Variants in ADHFE1 observed in about 807,000 individuals in gnomAD.
ADHFE1 encodes the protein alcohol dehydrogenase iron containing 1.
ADHFE1 carries 37 observed loss-of-function variants against 54.8 expected under a neutral mutation model. That is an observed-to-expected ratio of 0.68 (90% CI 0.52 to 0.89). The LOEUF (loss-of-function observed/expected upper bound fraction) is 0.89. Among genes scored for constraint, ADHFE1 ranks in the 40% least tolerant of loss-of-function variants. The pLI, the probability that ADHFE1 is intolerant of heterozygous loss-of-function variation, is 0.00. For missense variants in ADHFE1, 601 were observed against 591.2 expected (o/e 1.02, Z -0.17); for synonymous variants, 203 against 229.3 (o/e 0.89, Z 1.04).
At chr8:66,446,057 TAA>T (rs1476075852) in intron 6 of ADHFE1, among the ~76,000 whole-genome samples, 5 of 152,266 alleles carry the variant, frequency 3.3e-5, no homozygotes, top group African/African-American at 1.2e-4. Context: ...TAACATGCAC[TAA>T]CTGGTAACTG....
Position 66,458,701 on chromosome 8 carries a change from G to A in ADHFE1, c.1162+1535G>A, listed in dbSNP as rs931113481. On this transcript the variant is annotated intron_variant, in intron 12 of 13. Coordinates refer to ENST00000396623, the MANE Select transcript of ADHFE1 (RefSeq NM_144650.3). Reference sequence around the variant, plus strand: ...CTGATTCTTCCTTCTTGAATGGGAAGTTTTAATGTTATCTACACTTAGCTA... The same window carrying A: ...CTGATTCTTCCTTCTTGAATGGGAAATTTTAATGTTATCTACACTTAGCTA... Among the ~76,000 whole-genome samples the A allele has an allele frequency of 1.2e-4, 19 of 152,190 alleles. No individual in the cohort carries two copies. The East Asian group carries it at 1.4e-3, about 11-fold the overall frequency.
rs538229235 is a variant in ADHFE1 at position 66,438,087 on chromosome 8, G to A, written c.60-2075G>A. Among the ~76,000 whole-genome samples, 3 of 152,354 alleles carry A rather than the reference G, an allele frequency of 2.0e-5. No individual in the cohort carries two copies. The East Asian group carries it at 5.8e-4, about 29-fold the overall frequency. ...AGGCAGGGGCAGGCCTGAACTGTAT[G>A]TGAGAGCCATGGGGAGCCATTGAAG... On this transcript the variant is annotated intron_variant, in intron 1 of 13. Coordinates refer to ENST00000396623, the MANE Select transcript of ADHFE1 (RefSeq NM_144650.3).
At position 66,457,072 on chromosome 8, in the gene ADHFE1, C is replaced by CCATGG; in HGVS notation, c.1070_1074dup (p.Leu359MetfsTer64). The CCATGG allele has an allele frequency of 6.2e-7, 1 of 1,613,208 alleles. No individual in the cohort carries two copies. Among genetic ancestry groups the CCATGG allele is most frequent in the Admixed American group, 1.7e-5 (1 of 59,954 alleles). ...CACCGCATTTCGTTTCTCCCCAGCC[C>CCATGG]CATGGCCTTTCTGTGGTGCTCACGT... On this transcript the variant is annotated frameshift_variant, in exon 12 of 14. Coordinates refer to ENST00000396623, the MANE Select transcript of ADHFE1 (RefSeq NM_144650.3). LOFTEE classifies it high-confidence loss of function.
rs980369416 is a variant in ADHFE1, at chr8:66,452,139, G to A, written c.887+34G>A. On this transcript the variant is annotated intron_variant, in intron 9 of 13. Coordinates refer to ENST00000396623, the MANE Select transcript of ADHFE1 (RefSeq NM_144650.3). ...CCCCGAAGGGGATAGAAATAGAACAGGAGGCCCACATTCTGCCAGCACGTG... is the reference window on the plus strand; with the variant it reads ...CCCCGAAGGGGATAGAAATAGAACAAGAGGCCCACATTCTGCCAGCACGTG... The A allele has an allele frequency of 3.1e-6, 5 of 1,608,304 alleles. No individual in the cohort carries two copies. The African/African-American group carries it at 6.7e-5, about 21-fold the overall frequency.
chr8:66,451,550 C>G (rs1175930664), intron 8 of ADHFE1, among the ~76,000 whole-genome samples: 1 of 152,118 alleles, frequency 6.6e-6, no homozygotes, highest in East Asian at 1.9e-4. Context: ...AGCTATGACC[C>G]ACTTTTGGTA....
intron 10 of ADHFE1, among the ~76,000 whole-genome samples, chr8:66,455,319 A>AT (rs1260629457): frequency 3.3e-5 from 5 of 152,212 alleles, no homozygotes; most frequent in South Asian, 4.2e-4. Flanking sequence ...TAAATGTAGG[A>AT]TTTTTCCCCC....
chr8:66,435,850 CT>C (rs920206914), intron 1 of ADHFE1, among the ~76,000 whole-genome samples: 5 of 151,068 alleles, frequency 3.3e-5, no homozygotes, highest in African/African-American at 1.2e-4. Context: ...CCCAAGCAGT[CT>C]TCCCATCTTG....
chr8:66,453,777 C>A, intron 9 of ADHFE1: 2 of 1,410,590 alleles, frequency 1.4e-6, no homozygotes, highest in South Asian at 2.3e-5. Context: ...GAGTGGCCCT[C>A]GCCATCCAGG....
intron 13 of ADHFE1, 43 bp downstream of exon 13, chr8:66,460,508 G>T (rs3824263): frequency 0.055 from 83,170 of 1,523,332 alleles, 3,071 homozygotes; most frequent in East Asian, 0.21. Flanking sequence ...AAGGAGCCTA[G>T]CGCCTCCAGA....
intron 12 of ADHFE1, chr8:66,459,431 T>TATATATATATATATATATA (rs60104059): frequency 2.1e-4 from 20 of 95,540 alleles, no homozygotes; most frequent in African/African-American, 8.3e-4. Context: ...TATATATATA[T>TATATATATATATATATATA]TTTTTTTTTT....
At chr8:66,467,927 T>C (rs1057313168) in intron 13 of ADHFE1, among the ~76,000 whole-genome samples, 9 of 152,340 alleles carry the variant, frequency 5.9e-5, no homozygotes, top group Middle Eastern at 3.4e-3. Flanking sequence ...CAGTTCTCTC[T>C]CAGAGCTCTG....
At position 66,460,184 on chromosome 8, in the gene ADHFE1, C is replaced by A; in HGVS notation, c.1163-124C>A. The A allele has an allele frequency of 4.0e-6, 5 of 1,256,182 alleles. No homozygotes were observed. The South Asian group carries it at 4.1e-5, about 10-fold the overall frequency. 77.8% of individuals were successfully genotyped at this position (1,256,182 alleles called of 1,614,324 possible). On this transcript the variant is annotated intron_variant, in intron 12 of 13. Coordinates refer to ENST00000396623, the MANE Select transcript of ADHFE1 (RefSeq NM_144650.3). ...GCCCTCCTGGGGAGGCACACGATGG[C>A]CCCGTGCTGGGCGTTAGGGAGACCC...
chr8:66,466,555 C>CTG (rs376078729), intron 13 of ADHFE1, among the ~76,000 whole-genome samples: 85,549 of 151,580 alleles, frequency 0.56, 25,163 homozygotes, highest in African/African-American at 0.72. Context: ...CCAGACAAAA[C>CTG]AAATACCTAC....
chr8:66,453,781 A>G (rs1806431475), intron 9 of ADHFE1: 1 of 1,415,582 alleles, frequency 7.1e-7, no homozygotes, highest in Non-Finnish European at 9.5e-7. Flanking sequence ...GGCCCTCGCC[A>G]TCCAGGGACC....
intron 13 of ADHFE1, among the ~76,000 whole-genome samples, chr8:66,462,847 G>A (rs541997137): frequency 3.0e-4 from 46 of 152,282 alleles, no homozygotes; most frequent in African/African-American, 1.1e-3. Context: ...TTGAGACAGA[G>A]TTTCACTCTC....
At chr8:66,435,327 A>T (rs990016226) in intron 1 of ADHFE1, among the ~76,000 whole-genome samples, 1 of 152,202 alleles carries the variant, frequency 6.6e-6, no homozygotes, top group African/African-American at 2.4e-5. Flanking sequence ...ACTAGGCTGA[A>T]GCCAAGGTGT....
At chr8:66,449,665 G>A (rs1290500031) in intron 8 of ADHFE1, among the ~76,000 whole-genome samples, 1 of 152,196 alleles carries the variant, frequency 6.6e-6, no homozygotes, top group East Asian at 1.9e-4. Flanking sequence ...AGGCCTCATG[G>A]AGACCCCACA....
chr8:66,436,003 C>T (rs1805446290), intron 1 of ADHFE1, among the ~76,000 whole-genome samples: 2 of 149,120 alleles, frequency 1.3e-5, no homozygotes, highest in Non-Finnish European at 3.0e-5. Context: ...GCAACCTCCA[C>T]CTCCTGGGTT....
At position 66,440,055 on chromosome 8, in the gene ADHFE1, A is replaced by T. The variant is rs74577979; in HGVS notation, c.60-107A>T. 1,625 of 1,071,222 alleles carry T rather than the reference A, an allele frequency of 1.5e-3. 23 individuals carry two copies. The African/African-American group carries it at 0.024, about 16-fold the overall frequency. The allele number at this position is 1,071,222 out of a possible 1,614,324, so 66.4% of individuals were successfully genotyped here. A position where few individuals can be genotyped will look rare whatever the true frequency, so the allele number is the denominator to read the frequency against. On this transcript the variant is annotated intron_variant, in intron 1 of 13. Coordinates refer to ENST00000396623, the MANE Select transcript of ADHFE1 (RefSeq NM_144650.3). ...GTGTCTGCCAAGAACTACCAATTTG[A>T]TAGCATCTTAGCACTAGACTGCAAT...
Sources: gnomAD v4.1 joint callset for allele counts (sites outside exome capture counted in the v4.1 genomes callset) on GRCh38, gnomAD v4.1.1 for gene constraint, MANE v1.5 for transcripts, NCBI Gene and HGNC (gene_info 2026-07-23, HGNC 2026-07-21) for gene names.